Variants in ST18 observed in about 807,000 individuals in gnomAD.
ST18 encodes ST18 C2H2C-type zinc finger transcription factor.
In ST18, 50 loss-of-function variants were observed where a neutral mutation model predicts 110.0. The ratio of observed to expected loss-of-function variants is 0.45; its 90% confidence interval spans 0.36 to 0.58. The LOEUF (loss-of-function observed/expected upper bound fraction) is 0.58, where lower values mean the gene tolerates loss of function less well. Among genes scored for constraint, ST18 ranks in the 20% least tolerant of loss-of-function variants. The pLI is 0.00. For synonymous variants in ST18, 461 were observed against 452.4 expected, an observed-to-expected ratio of 1.02 and a Z score of -0.24; for missense variants, 1,306 against 1,280.1, an observed-to-expected ratio of 1.02 and a Z score of -0.31.
At chr8:52,117,107 C>A (rs139926345) in intron 24 of ST18, among the ~76,000 whole-genome samples, 1 of 152,194 alleles carries the variant, frequency 6.6e-6, no homozygotes, top group Non-Finnish European at 1.5e-5. Flanking sequence ...TAAGATGCCC[C>A]GTGTGAGCTG....
chr8:52,227,604 T>A (rs905027061), intron 3 of ST18, among the ~76,000 whole-genome samples: 1 of 152,108 alleles, frequency 6.6e-6, no homozygotes, highest in Non-Finnish European at 1.5e-5. Flanking sequence ...TACAAGAGGG[T>A]CAAAGACTTG....
chr8:52,335,861 C>T (rs1017938616), intron 2 of ST18, among the ~76,000 whole-genome samples: 1 of 152,082 alleles, frequency 6.6e-6, no homozygotes, highest in Non-Finnish European at 1.5e-5. Flanking sequence ...TCCGTAAGCA[C>T]CTCCCTTCAC....
At position 52,116,344 on chromosome 8, in the gene ST18, C is replaced by A. The variant is rs751544423; in HGVS notation, c.2934G>T (p.Leu978=). 1.9e-6 allele frequency: 3 copies of A among 1,614,040 alleles called. No individual in the cohort carries two copies. Among genetic ancestry groups the A allele is most frequent in the Non-Finnish European group, 1.7e-6 (2 of 1,179,962 alleles). The change falls in exon 25 of 26, where the codon CTG becomes CTT. Residue 978 remains leucine (L), a synonymous_variant. Coordinates refer to ENST00000689386, the MANE Select transcript of ST18 (RefSeq NM_001352837.2). ...NKLIEQNNES[L]LKELAGLSQA... Reference sequence around the variant, plus strand: ...GGCTTAGACCTGCCAGCTCTTTCAGCAGACTTTCATTGTTCTGTTCTATGA... The same window carrying A: ...GGCTTAGACCTGCCAGCTCTTTCAGAAGACTTTCATTGTTCTGTTCTATGA...
intron 8 of ST18, chr8:52,199,526 A>G (rs1253333711): frequency 6.6e-6 from 1 of 152,238 alleles, no homozygotes; most frequent in African/African-American, 2.4e-5. Context: ...TGTTATAAAT[A>G]TAGAAATAAA....
intron 2 of ST18, among the ~76,000 whole-genome samples, chr8:52,249,939 A>T (rs895740120): frequency 3.3e-5 from 5 of 152,040 alleles, no homozygotes; most frequent in African/African-American, 1.2e-4. Context: ...TGCTTTCTTG[A>T]GCAGTTTCTC....
chr8:52,170,051 T>C (rs2064280497), intron 10 of ST18, among the ~76,000 whole-genome samples: 1 of 152,202 alleles, frequency 6.6e-6, no homozygotes, highest in Admixed American at 6.5e-5. Context: ...TTTCTGTAAA[T>C]ACTAGGTTTC....
chr8:52,307,955 T>C (rs1050584255), intron 2 of ST18, among the ~76,000 whole-genome samples: 1 of 152,184 alleles, frequency 6.6e-6, no homozygotes, highest in Non-Finnish European at 1.5e-5. Context: ...AATAGACACT[T>C]GGGTAGCATG....
chr8:52,330,659 C>T (rs961497605), intron 2 of ST18, among the ~76,000 whole-genome samples: 6 of 152,224 alleles, frequency 3.9e-5, no homozygotes, highest in African/African-American at 1.4e-4. Context: ...ACATCACATC[C>T]AACATGTGGA....
At chr8:52,374,621 T>C (rs748755526) in intron 2 of ST18, among the ~76,000 whole-genome samples, 1 of 152,086 alleles carries the variant, frequency 6.6e-6, no homozygotes, top group Non-Finnish European at 1.5e-5. Context: ...GCTGCACAGA[T>C]CAACCCATCA....
chr8:52,350,444 T>C (rs954490120), intron 2 of ST18, among the ~76,000 whole-genome samples: 3 of 152,184 alleles, frequency 2.0e-5, no homozygotes, highest in Non-Finnish European at 4.4e-5. Flanking sequence ...TAGGAAATTG[T>C]AGGTCATGGC....
Position 52,142,985 on chromosome 8 carries a change from T to A in ST18, c.2113A>T (p.Ile705Leu). Residue 705 changes from isoleucine to leucine, a missense_variant, in exon 17 of 26, where the codon ATA becomes TTA. Ile to Leu is a conservative substitution (Grantham distance 5). Transcript: ENST00000689386. ...TGAAGCTTGGGTTTAGGGCTTGGTA[T>A]AGAGGCCTCTCCAGGAAACTTTTTT... is the stretch of plus-strand genomic sequence containing the variant. ...EEKKFPGEAS[I>L]PSPKPKLHAR... 2 of 1,614,174 alleles carry A rather than the reference T, an allele frequency of 1.2e-6. No individual in the cohort carries two copies. Among genetic ancestry groups the A allele is most frequent in the Non-Finnish European group, 1.7e-6 (2 of 1,180,012 alleles).
intron 2 of ST18, among the ~76,000 whole-genome samples, chr8:52,389,584 C>A (rs968567244): frequency 6.6e-6 from 1 of 152,166 alleles, no homozygotes; most frequent in Non-Finnish European, 1.5e-5. Context: ...CGGGGAGGAA[C>A]CTGCCTTGAA....
intron 2 of ST18, among the ~76,000 whole-genome samples, chr8:52,288,116 G>C (rs977196230): frequency 6.6e-6 from 1 of 152,304 alleles, no homozygotes; most frequent in Non-Finnish European, 1.5e-5. Flanking sequence ...TCATCACCCA[G>C]CCCTACGCCT....
intron 9 of ST18, among the ~76,000 whole-genome samples, chr8:52,174,707 A>AT (rs1334759442): frequency 6.6e-6 from 1 of 152,216 alleles, no homozygotes; most frequent in Admixed American, 6.5e-5. Context: ...TGTTTGTTAT[A>AT]TGCTAAAAGA....
chr8:52,305,996 G>A (rs1432832139), intron 2 of ST18, among the ~76,000 whole-genome samples: 1 of 152,190 alleles, frequency 6.6e-6, no homozygotes, highest in Admixed American at 6.5e-5. Context: ...ATGGCCTTGA[G>A]GCTGCAGACC....
chr8:52,150,149 A>G (rs1247713143), intron 15 of ST18, among the ~76,000 whole-genome samples, 172 bp from the exon 16 acceptor site: 1 of 152,186 alleles, frequency 6.6e-6, no homozygotes, highest in Non-Finnish European at 1.5e-5. Flanking sequence ...GCAGACTTTA[A>G]GAACAGCCCC....
At chr8:52,260,620 C>T (rs1190277451) in intron 2 of ST18, among the ~76,000 whole-genome samples, 1 of 152,194 alleles carries the variant, frequency 6.6e-6, no homozygotes, top group Non-Finnish European at 1.5e-5. Flanking sequence ...GGAAGCCCAG[C>T]ACTGGGCACA....
At chr8:52,139,934 T>C (rs574240108) in intron 17 of ST18, among the ~76,000 whole-genome samples, 3 of 152,298 alleles carry the variant, frequency 2.0e-5, no homozygotes, top group African/African-American at 7.2e-5. Context: ...CATGTGCCAA[T>C]ATTAGTTGGG....
At chr8:52,205,198 A>T (rs2079534815) in intron 8 of ST18, among the ~76,000 whole-genome samples, 1 of 150,014 alleles carries the variant, frequency 6.7e-6, no homozygotes, top group South Asian at 2.1e-4. Flanking sequence ...TAATATATAT[A>T]TTTTATTACA....
Sources: gnomAD v4.1 joint callset for allele counts (sites outside exome capture counted in the v4.1 genomes callset) on GRCh38, gnomAD v4.1.1 for gene constraint, MANE v1.5 for transcripts, NCBI Gene and HGNC (gene_info 2026-07-23, HGNC 2026-07-21) for gene names.